GLG1: variants seen among roughly 807,000 people sequenced by gnomAD.
GLG1 encodes the protein golgi glycoprotein 1.
GLG1 carries 38 observed loss-of-function variants against 160.5 expected under a neutral mutation model. That is an observed-to-expected ratio of 0.24 (90% CI 0.18 to 0.31). The LOEUF (loss-of-function observed/expected upper bound fraction) is 0.31. GLG1 is among the 10% of genes least tolerant of loss of function. The pLI, the probability that GLG1 is intolerant of heterozygous loss-of-function variation, is 1.00. For synonymous variants in GLG1, 644 were observed against 543.4 expected, an observed-to-expected ratio of 1.19 and a Z score of -2.57; for missense variants, 1,373 against 1,505.2, an observed-to-expected ratio of 0.91 and a Z score of 1.45.
chr16:74,507,714 C>A (rs766251869), intron 3 of GLG1, among the ~76,000 whole-genome samples: 1 of 151,174 alleles, frequency 6.6e-6, no homozygotes. Flanking sequence ...CCAGCGTGGG[C>A]GACAGAGCAA....
At chr16:74,497,569 C>T (rs1386579105) in intron 4 of GLG1, among the ~76,000 whole-genome samples, 1 of 151,430 alleles carries the variant, frequency 6.6e-6, no homozygotes, top group Non-Finnish European at 1.5e-5. Flanking sequence ...TCCTGAGTAG[C>T]TGGGACCACA....
chr16:74,471,034 G>A (rs2015190333), intron 15 of GLG1, 139 bp downstream of exon 15: 1 of 688,108 alleles, frequency 1.5e-6, no homozygotes, highest in Non-Finnish European at 2.7e-6. Flanking sequence ...TGGGATTACA[G>A]GTGTGAGCCA....
intron 16 of GLG1, chr16:74,469,537 A>C (rs529479314): frequency 5.4e-6 from 1 of 184,216 alleles, no homozygotes. Context: ...GAAAAAGCTC[A>C]TCAGTTTCCT....
chr16:74,509,161 CA>C (rs1166997011), intron 2 of GLG1, among the ~76,000 whole-genome samples: 2 of 118,124 alleles, frequency 1.7e-5, no homozygotes, highest in East Asian at 2.5e-4. Context: ...TACTAAAGGA[CA>C]ATTTTTTTTT....
intron 1 of GLG1, among the ~76,000 whole-genome samples, chr16:74,566,461 T>C (rs2018656816): frequency 6.6e-6 from 1 of 152,208 alleles, no homozygotes; most frequent in South Asian, 2.1e-4. Context: ...ATCTTTAATT[T>C]TTCTCCTGTA....
In GLG1 at chr16:74,539,636, C is replaced by A. The variant is rs189439816; in HGVS notation, c.439-7483G>T. Among the ~76,000 whole-genome samples, 15 of 151,826 alleles carry A rather than the reference C, an allele frequency of 9.9e-5. No homozygotes were observed. In the East Asian group the frequency reaches 2.7e-3, roughly 28 times the overall value. The stretch of plus-strand genomic sequence containing the variant: ...TAAGTCATCTTCAGTGAGGTTATAT[C>A]CCTATTCTGAAAATATGAAAACACA... On this transcript the variant is annotated intron_variant, in intron 1 of 25. Coordinates refer to ENST00000422840, the MANE Select transcript of GLG1 (RefSeq NM_001145667.2).
intron 1 of GLG1, among the ~76,000 whole-genome samples, chr16:74,592,775 T>A (rs1364178760): frequency 6.6e-6 from 1 of 152,194 alleles, no homozygotes; most frequent in Non-Finnish European, 1.5e-5. Flanking sequence ...CTATAGGACC[T>A]TCTCTCTTCT....
At chr16:74,479,324 A>G (rs970968578) in intron 11 of GLG1, among the ~76,000 whole-genome samples, 22 of 151,176 alleles carry the variant, frequency 1.5e-4, no homozygotes, top group Admixed American at 2.0e-4. Context: ...CCAGCACCAC[A>G]GACTCCAACT....
chr16:74,545,131 G>C (rs569231585), intron 1 of GLG1, among the ~76,000 whole-genome samples: 1 of 152,246 alleles, frequency 6.6e-6, no homozygotes, highest in South Asian at 2.1e-4. Flanking sequence ...GGAAATTCTG[G>C]TGGAAAGATC....
intron 1 of GLG1, among the ~76,000 whole-genome samples, chr16:74,581,059 C>A (rs1957927408): frequency 6.6e-6 from 1 of 152,168 alleles, no homozygotes; most frequent in African/African-American, 2.4e-5. Flanking sequence ...TAATATGATG[C>A]AGCTGCTGTG....
chr16:74,511,524 T>A (rs1597289153), intron 2 of GLG1, among the ~76,000 whole-genome samples: 1 of 145,902 alleles, frequency 6.9e-6, no homozygotes, highest in Admixed American at 7.0e-5. Flanking sequence ...TGGTGGTGCA[T>A]GCCTGTAATC....
intron 1 of GLG1, among the ~76,000 whole-genome samples, chr16:74,576,443 G>A (rs751910145): frequency 1.3e-5 from 2 of 152,120 alleles, no homozygotes; most frequent in Admixed American, 6.5e-5. Flanking sequence ...TCTAAGACAC[G>A]TGTCAGCAAA....
At chr16:74,473,955 T>C (rs2015308678) in intron 13 of GLG1, among the ~76,000 whole-genome samples, 1 of 151,800 alleles carries the variant, frequency 6.6e-6, no homozygotes, top group South Asian at 2.1e-4. Context: ...CTGCTGCTAT[T>C]TTTTTTTTTT....
intron 2 of GLG1, among the ~76,000 whole-genome samples, chr16:74,510,100 C>T (rs561850164): frequency 2.0e-5 from 3 of 150,336 alleles, no homozygotes; most frequent in Middle Eastern, 3.4e-3. Context: ...GGCGCGATCT[C>T]GGCTCACCAC....
chr16:74,567,067 C>A (rs2018672704), intron 1 of GLG1, among the ~76,000 whole-genome samples: 1 of 152,008 alleles, frequency 6.6e-6, no homozygotes, highest in African/African-American at 2.4e-5. Context: ...CTAAGAAAAC[C>A]TTTCAGGCCG....
At position 74,599,601 on chromosome 16, in the gene GLG1, A is replaced by G. The variant is rs1233255057; in HGVS notation, c.438+7056T>C. Reference sequence around the variant, plus strand: ...AAGCCTCGGCCGGACACAGTGGCTCACGCCTGTCATCTCAGCACTTTCGGA... The same window carrying G: ...AAGCCTCGGCCGGACACAGTGGCTCGCGCCTGTCATCTCAGCACTTTCGGA... On this transcript the variant is annotated intron_variant, in intron 1 of 25. Coordinates refer to ENST00000422840, the MANE Select transcript of GLG1 (RefSeq NM_001145667.2). Among the ~76,000 whole-genome samples, 3 of 152,064 alleles carry G rather than the reference A, an allele frequency of 2.0e-5. No individual in the cohort carries two copies. In the East Asian group the frequency reaches 5.8e-4, roughly 29 times the overall value.
chr16:74,453,877 ATTTT>A (rs34556886), intron 25 of GLG1, among the ~76,000 whole-genome samples: 2 of 144,238 alleles, frequency 1.4e-5, no homozygotes, highest in Non-Finnish European at 3.0e-5. Context: ...TGTAAATTCT[ATTTT>A]TTTTTTTTTT....
intron 3 of GLG1, among the ~76,000 whole-genome samples, chr16:74,505,049 T>C (rs115307958): frequency 2.4e-4 from 36 of 152,346 alleles, no homozygotes; most frequent in African/African-American, 8.7e-4. Flanking sequence ...ATTTTGAATA[T>C]AAACAAGAAA....
At chr16:74,534,374 CCAAT>C (rs1203958496) in intron 1 of GLG1, among the ~76,000 whole-genome samples, 2 of 152,184 alleles carry the variant, frequency 1.3e-5, no homozygotes, top group Non-Finnish European at 2.9e-5. Flanking sequence ...TTAAGTTTTC[CCAAT>C]CAATTAGCAA....
Sources: gnomAD v4.1 joint callset for allele counts (sites outside exome capture counted in the v4.1 genomes callset) on GRCh38, gnomAD v4.1.1 for gene constraint, MANE v1.5 for transcripts, NCBI Gene and HGNC (gene_info 2026-07-23, HGNC 2026-07-21) for gene names.